TNFSF13B: variants seen among roughly 807,000 people sequenced by gnomAD.
TNFSF13B encodes the protein tumor necrosis factor ligand superfamily member 13B.
A neutral mutation model predicts 29.1 loss-of-function variants in TNFSF13B; 8 were observed. The observed-to-expected ratio is 0.27, with a 90% CI of 0.16 to 0.50. The LOEUF (loss-of-function observed/expected upper bound fraction) is 0.50, where lower values mean the gene tolerates loss of function less well. Ranked by LOEUF, TNFSF13B falls within the 20% of genes least tolerant of loss-of-function variation. The pLI is 0.98. For synonymous variants in TNFSF13B, 125 were observed against 130.8 expected (o/e 0.96, Z 0.30); for missense variants, 248 against 334.9 (o/e 0.74, Z 2.03).
intron 2 of TNFSF13B, among the ~76,000 whole-genome samples, chr13:108,282,512 T>C (rs924068864): frequency 2.0e-5 from 3 of 152,204 alleles, no homozygotes; most frequent in Non-Finnish European, 4.4e-5. Flanking sequence ...GTTTCCCATA[T>C]GGTTAGTATT....
At chr13:108,277,559 G>C (rs963871596) in intron 2 of TNFSF13B, among the ~76,000 whole-genome samples, 3 of 152,076 alleles carry the variant, frequency 2.0e-5, no homozygotes, top group Non-Finnish European at 4.4e-5. Flanking sequence ...AAAATTCGGG[G>C]CGAATCCACA....
At chr13:108,277,646 G>A (rs1397312788) in intron 2 of TNFSF13B, among the ~76,000 whole-genome samples, 3 of 152,196 alleles carry the variant, frequency 2.0e-5, no homozygotes, top group African/African-American at 7.2e-5. Flanking sequence ...GCAGCCCTCA[G>A]GGCTGCTAGT....
intron 3 of TNFSF13B, among the ~76,000 whole-genome samples, chr13:108,291,903 G>T (rs1393348462): frequency 6.6e-6 from 1 of 151,980 alleles, no homozygotes; most frequent in East Asian, 1.9e-4. Flanking sequence ...TAGGCTATTT[G>T]CTTTGCTTTT....
intron 2 of TNFSF13B, among the ~76,000 whole-genome samples, chr13:108,274,121 C>T (rs148497886): frequency 2.0e-5 from 3 of 151,852 alleles, no homozygotes; most frequent in Non-Finnish European, 2.9e-5. Flanking sequence ...TTATGAAATG[C>T]GTATTGATTG....
intron 3 of TNFSF13B, among the ~76,000 whole-genome samples, chr13:108,298,089 C>T (rs1405476152): frequency 6.9e-6 from 1 of 145,330 alleles, no homozygotes; most frequent in Non-Finnish European, 1.5e-5. Flanking sequence ...TTTATTTTCA[C>T]TTCTTTTTTT....
chr13:108,303,675 ATGC>A, intron 5 of TNFSF13B, 71 bp downstream of exon 5: 3 of 1,493,418 alleles, frequency 2.0e-6, no homozygotes, highest in Admixed American at 4.3e-5. Flanking sequence ...GAGCTGCAAA[ATGC>A]AAAAATGAAA....
At chr13:108,306,520 A>C (rs2139073137) in intron 5 of TNFSF13B, among the ~76,000 whole-genome samples, 1 of 152,132 alleles carries the variant, frequency 6.6e-6, no homozygotes, top group African/African-American at 2.4e-5. Context: ...ATATTCTATC[A>C]AGGGATGTTC....
intron 3 of TNFSF13B, chr13:108,303,022 C>G (rs1881669100): frequency 2.0e-6 from 1 of 498,226 alleles, no homozygotes; most frequent in Non-Finnish European, 3.2e-6. Flanking sequence ...AAAGGGTTAG[C>G]TCTCAGGTTC....
chr13:108,279,201 AT>A lies in TNFSF13B; in HGVS notation c.425-7593del, dbSNP rs946146776. ...AATTGTTTCATATATTATTCCACGG[AT>A]TTTTTTTTAAGTCTGCTGTAAATCA... On this transcript the variant is annotated intron_variant, in intron 2 of 5. Transcript: ENST00000375887. Among the ~76,000 whole-genome samples the A allele has an allele frequency of 2.0e-4, 30 of 151,696 alleles. No individual in the cohort carries two copies. In the East Asian group the frequency reaches 4.1e-3, roughly 21 times the overall value.
chr13:108,297,716 T>C (rs1261103931), intron 3 of TNFSF13B, among the ~76,000 whole-genome samples: 3 of 145,824 alleles, frequency 2.1e-5, no homozygotes, highest in Non-Finnish European at 3.0e-5. Context: ...AGATATCTCA[T>C]AGACCTCATA....
intron 3 of TNFSF13B, chr13:108,302,763 C>G: frequency 1.0e-6 from 1 of 964,442 alleles, no homozygotes. Flanking sequence ...TCACTTTCTT[C>G]TTTCTTCCGT....
intron 2 of TNFSF13B, among the ~76,000 whole-genome samples, chr13:108,274,393 A>G (rs546183939): frequency 2.5e-4 from 38 of 150,950 alleles, no homozygotes; most frequent in Admixed American, 8.6e-4. Flanking sequence ...ATATATATAC[A>G]TACATAGTGT....
chr13:108,302,455 A>G (rs1475688727), intron 3 of TNFSF13B, among the ~76,000 whole-genome samples: 1 of 152,154 alleles, frequency 6.6e-6, no homozygotes, highest in African/African-American at 2.4e-5. Flanking sequence ...TAAAGTATGA[A>G]TTCACAGGAA....
Position 108,303,379 on chromosome 13 carries a change from C to T in TNFSF13B, c.594+14C>T. The stretch of plus-strand genomic sequence containing the variant: ...ATATATGGTCAGGTAGGTTGAAACC[C>T]TAATTCTGGTTTTACTGTTCAAAGC... On this transcript the variant is annotated intron_variant, in intron 4 of 5. Coordinates refer to ENST00000375887, the MANE Select transcript of TNFSF13B (RefSeq NM_006573.5). 6.2e-7 allele frequency: 1 copy of T among 1,610,214 alleles called. No homozygotes were observed. The highest frequency in any genetic ancestry group is 8.5e-7 in the Non-Finnish European group (1 of 1,178,162).
At chr13:108,294,607 T>C (rs1881416097) in intron 3 of TNFSF13B, among the ~76,000 whole-genome samples, 1 of 152,216 alleles carries the variant, frequency 6.6e-6, no homozygotes, top group Non-Finnish European at 1.5e-5. Context: ...AGGCATAGTC[T>C]TGTTTCTGAT....
At chr13:108,303,172 C>T in intron 3 of TNFSF13B, 81 bp from the exon 4 acceptor site, 14 of 845,740 alleles carry the variant, frequency 1.7e-5, no homozygotes, top group South Asian at 8.2e-5. Context: ...TTCTAAGTTT[C>T]AGAGGTAGCT....
At chr13:108,284,910 C>T (rs1881079353) in intron 2 of TNFSF13B, among the ~76,000 whole-genome samples, 2 of 152,166 alleles carry the variant, frequency 1.3e-5, no homozygotes, top group Non-Finnish European at 2.9e-5. Flanking sequence ...TTAGCTGCCC[C>T]GGAGGCTTTG....
At chr13:108,284,307 C>T (rs575778053) in intron 2 of TNFSF13B, among the ~76,000 whole-genome samples, 8 of 151,462 alleles carry the variant, frequency 5.3e-5, no homozygotes, top group Non-Finnish European at 1.0e-4. Flanking sequence ...CCAGCCTGGG[C>T]GACAGAGCGA....
chr13:108,291,013 G>A (rs1183224070), intron 3 of TNFSF13B, among the ~76,000 whole-genome samples: 1 of 151,682 alleles, frequency 6.6e-6, no homozygotes, highest in Non-Finnish European at 1.5e-5. Context: ...CAGACTGCTT[G>A]AAGACATTAA....
Sources: gnomAD v4.1 joint callset for allele counts (sites outside exome capture counted in the v4.1 genomes callset) on GRCh38, gnomAD v4.1.1 for gene constraint, MANE v1.5 for transcripts, NCBI Gene and HGNC (gene_info 2026-07-23, HGNC 2026-07-21) for gene names.